The following SOX6 variants were observed in gnomAD, a reference collection of about 807,000 sequenced individuals.
SOX6 encodes SRY-box transcription factor 6.
Under a neutral mutation model 97.8 loss-of-function variants are expected in SOX6, and 11 were observed. The ratio of observed to expected loss-of-function variants is 0.11; its 90% confidence interval spans 0.07 to 0.19. SOX6 has a LOEUF of 0.19. Ranked by LOEUF, SOX6 falls within the 10% of genes least tolerant of loss-of-function variation. The probability of loss-of-function intolerance (pLI) is 1.00; values close to 1 mark genes in which losing one functional copy is unlikely to be tolerated. For missense variants in SOX6, 810 were observed against 1,039.5 expected, an observed-to-expected ratio of 0.78 and a Z score of 3.04; for synonymous variants, 360 against 371.4, an observed-to-expected ratio of 0.97 and a Z score of 0.35.
chr11:16,296,286 T>C (rs1440724203), intron 3 of SOX6, among the ~76,000 whole-genome samples: 1 of 152,062 alleles, frequency 6.6e-6, no homozygotes, highest in Non-Finnish European at 1.5e-5. Context: ...CTCAGATATT[T>C]TAAATGTGTA....
At chr11:16,653,432 C>T (rs143248010) in intron 3 of SOX6, among the ~76,000 whole-genome samples, 69 of 152,094 alleles carry the variant, frequency 4.5e-4, no homozygotes, top group African/African-American at 1.2e-3. Flanking sequence ...CATGGAATAA[C>T]GACTTAGCCA....
chr11:16,711,053 T>C (rs1848175575), intron 3 of SOX6, among the ~76,000 whole-genome samples: 3 of 152,156 alleles, frequency 2.0e-5, no homozygotes, highest in African/African-American at 7.2e-5. Context: ...CTAAGATATA[T>C]CTTGAATTGC....
chr11:16,527,504 G>A (rs1182959922), intron 4 of SOX6, among the ~76,000 whole-genome samples: 1 of 152,038 alleles, frequency 6.6e-6, no homozygotes, highest in Admixed American at 6.6e-5. Context: ...ACATGTGGTA[G>A]GTTGTATTAT....
intron 3 of SOX6, among the ~76,000 whole-genome samples, chr11:16,652,648 A>T (rs965900681): frequency 2.5e-4 from 38 of 152,170 alleles, no homozygotes; most frequent in African/African-American, 8.2e-4. Context: ...AAGACCTGAA[A>T]CCCTAAAAAT....
intron 9 of SOX6, among the ~76,000 whole-genome samples, chr11:16,064,769 T>C (rs1848051195): frequency 1.3e-5 from 2 of 151,902 alleles, no homozygotes; most frequent in South Asian, 4.1e-4. Flanking sequence ...AAAAATCATA[T>C]GATCATTTCA....
At chr11:16,404,617 C>G in intron 1 of SOX6, among the ~76,000 whole-genome samples, 1 of 151,722 alleles carries the variant, frequency 6.6e-6, no homozygotes, top group East Asian at 1.9e-4. Context: ...TCAACTTTAC[C>G]TAAAATAAGA....
chr11:16,684,091 A>G (rs1367380002), intron 3 of SOX6, among the ~76,000 whole-genome samples: 3 of 152,118 alleles, frequency 2.0e-5, no homozygotes, highest in Non-Finnish European at 4.4e-5. Context: ...GAAACAACAA[A>G]TGCTGGAGAG....
chr11:16,211,128 G>T (rs975075598), intron 4 of SOX6, among the ~76,000 whole-genome samples: 1 of 152,058 alleles, frequency 6.6e-6, no homozygotes, highest in African/African-American at 2.4e-5. Context: ...AAGCAAAGGG[G>T]AGATTAATAG....
rs180709989 is a variant in SOX6, at chr11:16,391,321, A to G, written c.-4-50069T>C. Among the ~76,000 whole-genome samples, 307 of 152,236 alleles carry G rather than the reference A, an allele frequency of 2.0e-3. 2 individuals carry two copies. The highest frequency in any genetic ancestry group is 0.014 in the Middle Eastern group (4 of 294). ...ACTGTACCTTTTGCACATGTAACCC[A>G]GAACTTAAAGTATGTTAATAAAAAA... On this transcript the variant is annotated intron_variant, in intron 1 of 15. Coordinates refer to the SOX6 transcript ENST00000396356.
chr11:16,095,450 C>T (rs1019786268), intron 9 of SOX6, among the ~76,000 whole-genome samples: 2 of 151,754 alleles, frequency 1.3e-5, no homozygotes, highest in South Asian at 2.1e-4. Context: ...ATCATCCAGG[C>T]CCAGGCACCC....
intron 1 of SOX6, among the ~76,000 whole-genome samples, chr11:16,458,716 G>A (rs111345541): frequency 0.015 from 2,330 of 152,168 alleles, 32 homozygotes; most frequent in Middle Eastern, 0.031. Context: ...GATTTATCCT[G>A]CTGGCTTAGA....
At chr11:16,479,451 ACCTGGGAGG>A (rs1860306276), upstream of SOX6, among the ~76,000 whole-genome samples, 1 of 151,858 alleles carries the variant, frequency 6.6e-6, no homozygotes, top group Non-Finnish European at 1.5e-5. Context: ...AATCACTTGA[ACCTGGGAGG>A]CGGAGGTTAC....
intron 3 of SOX6, among the ~76,000 whole-genome samples, chr11:16,713,961 AAT>A (rs1417200271): frequency 2.6e-5 from 4 of 152,294 alleles, no homozygotes; most frequent in South Asian, 2.1e-4. Context: ...CCCATGTGTG[AAT>A]ATGTTTTTTA....
chr11:16,694,036 A>G (rs147401345), intron 3 of SOX6, among the ~76,000 whole-genome samples: 11 of 152,344 alleles, frequency 7.2e-5, no homozygotes, highest in African/African-American at 2.6e-4. Context: ...CCAAGTATCT[A>G]ACTTGTTTTC....
chr11:16,306,750 T>G (rs1855452366), intron 3 of SOX6, among the ~76,000 whole-genome samples: 1 of 150,988 alleles, frequency 6.6e-6, no homozygotes, highest in South Asian at 2.1e-4. Context: ...CTCAGCCTCC[T>G]GAGTAGCTGA....
At chr11:16,321,795 G>A (rs1466818442) in intron 2 of SOX6, among the ~76,000 whole-genome samples, 2 of 152,018 alleles carry the variant, frequency 1.3e-5, no homozygotes, top group African/African-American at 2.4e-5. Flanking sequence ...AAAAACAAAC[G>A]GCTTAAGTCG....
intron 4 of SOX6, among the ~76,000 whole-genome samples, chr11:16,192,355 G>T (rs1279577163): frequency 1.3e-5 from 2 of 151,598 alleles, no homozygotes; most frequent in Non-Finnish European, 2.9e-5. Context: ...TTTCTTAGGG[G>T]CCTTTATTCC....
rs538347651 is a variant in SOX6 at position 16,522,087 on chromosome 11, C to T, written n.610-45699G>A. 2.6e-5 allele frequency among the ~76,000 whole-genome samples: 4 copies of T among 152,290 alleles called. No homozygotes were observed. The East Asian group carries it at 7.7e-4, about 29-fold the overall frequency. ...TATTATCCAGGAGAACTTCCCCAATCTAGCAAGGCAGGCCAACATTCACAT... is the reference window on the plus strand; with the variant it reads ...TATTATCCAGGAGAACTTCCCCAATTTAGCAAGGCAGGCCAACATTCACAT... On this transcript the variant is annotated intron_variant and non_coding_transcript_variant, in intron 4 of 5. Coordinates refer to the SOX6 transcript ENST00000524520.
intron 1 of SOX6, among the ~76,000 whole-genome samples, chr11:16,460,615 A>G (rs984883381): frequency 6.6e-6 from 1 of 152,080 alleles, no homozygotes; most frequent in African/African-American, 2.4e-5. Flanking sequence ...GAAAAGGACA[A>G]GTAGAAGAGA....
Sources: allele counts gnomAD v4.1 joint callset (sites outside exome capture counted in the v4.1 genomes callset), GRCh38; gene constraint gnomAD v4.1.1; transcripts MANE v1.5; gene names NCBI Gene and HGNC (gene_info 2026-07-23, HGNC 2026-07-21).